Variants in GFUS observed in about 807,000 individuals in gnomAD.
GFUS encodes the protein 3-5 epimerase/4-reductase.
A neutral mutation model predicts 41.5 loss-of-function variants in GFUS; 42 were observed. That is an observed-to-expected ratio of 1.01 (90% CI 0.79 to 1.31). The LOEUF (loss-of-function observed/expected upper bound fraction) is 1.31, where lower values mean the gene tolerates loss of function less well. Among genes scored for constraint, GFUS ranks in the 50% most tolerant of loss-of-function variants. The pLI is 0.00. For synonymous variants in GFUS, 188 were observed against 173.4 expected (o/e 1.08, Z -0.66); for missense variants, 437 against 428.7 (o/e 1.02, Z -0.17).
At position 143,614,305 on chromosome 8, in the gene GFUS, G is replaced by A. The variant is rs1277146236; in HGVS notation, c.598+15C>T. On this transcript the variant is annotated intron_variant, in intron 6 of 10. Transcript: ENST00000425753. ...CGAGCTGAGCCCGGGCACCCCATCG[G>A]ACGGACGCACTCACTCTTGGCCAGG... The A allele has an allele frequency of 3.1e-6, 5 of 1,613,620 alleles. No homozygotes were observed. The highest frequency in any genetic ancestry group is 4.2e-6 in the Non-Finnish European group (5 of 1,179,886).
rs547988060 is a variant in GFUS, at chr8:143,613,462, G to A, written c.810+62C>T. ...CCCACCCACGCTGGCCCTACACCGG[G>A]TGGCCACTGAGCCCGCCCAAGGGGC... is the stretch of plus-strand genomic sequence containing the variant. On this transcript the variant is annotated intron_variant, in intron 9 of 10. Coordinates refer to ENST00000425753, the MANE Select transcript of GFUS (RefSeq NM_003313.4). The A allele has an allele frequency of 7.6e-5, 120 of 1,571,684 alleles. No individual in the cohort carries two copies. In the East Asian group the frequency reaches 2.7e-3, roughly 35 times the overall value.
At position 143,613,350 on chromosome 8, in the gene GFUS, A is replaced by G. The variant is rs1261806278; in HGVS notation, c.811-55T>C. The G allele has an allele frequency of 3.2e-6, 5 of 1,571,154 alleles. No individual in the cohort carries two copies. In the African/African-American group the frequency reaches 6.7e-5, roughly 21 times the overall value. ...AGAGCACCTCCACCCCAGCCCCCGC[A>G]GCTTGCCCTTGAACCTCTGCCATTC... On this transcript the variant is annotated intron_variant, in intron 9 of 10. Transcript: ENST00000425753.
chr8:143,613,506 A>G lies in GFUS; in HGVS notation c.810+18T>C. 6.2e-7 allele frequency: 1 copy of G among 1,609,464 alleles called. No individual in the cohort carries two copies. The highest frequency in any genetic ancestry group is 8.5e-7 in the Non-Finnish European group (1 of 1,179,212). On this transcript the variant is annotated intron_variant, in intron 9 of 10. Coordinates refer to ENST00000425753, the MANE Select transcript of GFUS (RefSeq NM_003313.4). ...AAGGGGCCCCCGCCCAACCCCCAGC[A>G]CTGGAGCCAGAGGATACGGTGACTT...
intron 3 of GFUS, among the ~76,000 whole-genome samples, chr8:143,615,345 C>T (rs1219057403): frequency 6.6e-6 from 1 of 152,194 alleles, no homozygotes; most frequent in African/African-American, 2.4e-5. Flanking sequence ...ATGGAGCCTG[C>T]GCTTGCCGGG....
At chr8:143,616,921 G>C (rs931955518) in intron 1 of GFUS, 198 bp from the exon 2 acceptor site, 2 of 642,568 alleles carry the variant, frequency 3.1e-6, no homozygotes, top group African/African-American at 3.7e-5. Context: ...CAGCGCCGCA[G>C]GGGTCCTGAG....
intron 3 of GFUS, 36 bp from the exon 4 acceptor site, chr8:143,614,951 A>G: frequency 1.9e-6 from 3 of 1,567,832 alleles, no homozygotes; most frequent in Non-Finnish European, 2.6e-6. Flanking sequence ...CAGGCTCCCC[A>G]GGCCAGATCC....
In GFUS at chr8:143,614,890, T is replaced by C; in HGVS notation, c.287A>G (p.Asn96Ser). The C allele has an allele frequency of 6.2e-7, 1 of 1,611,396 alleles. No individual in the cohort carries two copies. The highest frequency in any genetic ancestry group is 8.5e-7 in the Non-Finnish European group (1 of 1,178,298). ...CACCTCAAAGGCCGAGTGCAGGACG[T>C]TGTCGTTCATGTGCACGTTTTTCCT... is the stretch of plus-strand genomic sequence containing the variant. Reference protein sequence around the residue: ...FWRKNVHMNDNVLHSAFEVGA... With the variant: ...FWRKNVHMNDSVLHSAFEVGA... Residue 96 changes from asparagine (N) to serine (S), a missense_variant, in exon 4 of 11, where the codon AAC (asparagine) becomes AGC (serine). Coordinates refer to ENST00000425753, the MANE Select transcript of GFUS (RefSeq NM_003313.4).
chr8:143,616,544 G>A (rs756879108), intron 2 of GFUS, 23 bp downstream of exon 2: 2 of 1,613,758 alleles, frequency 1.2e-6, no homozygotes, highest in South Asian at 1.1e-5. Flanking sequence ...AGGAAGGGCT[G>A]ATCTGGGGAT....
At chr8:143,616,981 G>A in intron 1 of GFUS, 1 of 547,460 alleles carries the variant, frequency 1.8e-6, no homozygotes, top group East Asian at 3.0e-5. Context: ...TCCCCACTAG[G>A]CCGAGAAAAG....
intron 5 of GFUS, 85 bp from the exon 6 acceptor site, chr8:143,614,538 C>G (rs1829671172): frequency 6.4e-6 from 10 of 1,559,132 alleles, no homozygotes; most frequent in Non-Finnish European, 8.7e-6. Context: ...GAGGCTGGCA[C>G]GAAGACCCGA....
chr8:143,616,003 C>T, intron 3 of GFUS, 103 bp downstream of exon 3: 2 of 997,878 alleles, frequency 2.0e-6, no homozygotes, highest in Non-Finnish European at 3.0e-6. Context: ...TCAGGGACTT[C>T]CTGGGGTGGG....
intron 10 of GFUS, 44 bp from the exon 11 acceptor site, chr8:143,613,009 G>T: frequency 6.3e-7 from 1 of 1,597,350 alleles, no homozygotes; most frequent in Non-Finnish European, 8.5e-7. Context: ...GGAGGGTCGG[G>T]GCCGCATGGG....
At position 143,614,920 on chromosome 8, in the gene GFUS, A is replaced by G; in HGVS notation, c.262-5T>C. ...GTTCATGTGCACGTTTTTCCTCTGCAGGGGTGAGGCGGGGACAGTTCAGGC... is the reference window on the plus strand; with the variant it reads ...GTTCATGTGCACGTTTTTCCTCTGCGGGGGTGAGGCGGGGACAGTTCAGGC... On this transcript the variant is annotated splice_polypyrimidine_tract_variant and splice_region_variant and intron_variant, in intron 3 of 10. Coordinates refer to ENST00000425753, the MANE Select transcript of GFUS (RefSeq NM_003313.4). 6.2e-7 allele frequency: 1 copy of G among 1,601,078 alleles called. No individual in the cohort carries two copies.
At position 143,614,623 on chromosome 8, in the gene GFUS, CCTGTTCTGCA is replaced by C. The variant is rs1225168215; in HGVS notation, c.455_464del (p.Val152GlyfsTer51). ...GGCCTCAGCAGGATGGGCGCGAGGA[CCTGTTCTGCA>C]CGTCGATCATCCTCTTGGCATACGA... On this transcript the variant is annotated frameshift_variant and splice_region_variant, in exon 5 of 11. Coordinates refer to ENST00000425753, the MANE Select transcript of GFUS (RefSeq NM_003313.4). LOFTEE classifies it high-confidence loss of function. The C allele has an allele frequency of 1.3e-6, 2 of 1,589,118 alleles. No individual in the cohort carries two copies. The highest frequency in any genetic ancestry group is 3.4e-5 in the Admixed American group (2 of 59,150).
intron 3 of GFUS, among the ~76,000 whole-genome samples, chr8:143,615,655 C>T: frequency 6.6e-6 from 1 of 152,340 alleles, no homozygotes; most frequent in East Asian, 1.9e-4. Flanking sequence ...ACCACGCCCC[C>T]TTCCCCCAGA....
chr8:143,617,635 TG>T (rs1829763354), upstream of GFUS: 1 of 152,014 alleles, frequency 6.6e-6, no homozygotes, highest in African/African-American at 2.4e-5. Context: ...AGCTGGGACT[TG>T]GAGTCCGCGG....
chr8:143,614,989 G>T (rs535416597), intron 3 of GFUS, 74 bp from the exon 4 acceptor site: 12 of 1,537,124 alleles, frequency 7.8e-6, no homozygotes, highest in Non-Finnish European at 9.7e-6. Flanking sequence ...TCCAGACGCA[G>T]AAGTGGAGAC....
chr8:143,613,152 G>C lies in GFUS; in HGVS notation c.910+44C>G, dbSNP rs1173462059. 1.9e-6 allele frequency: 3 copies of C among 1,585,082 alleles called. No homozygotes were observed. The Admixed American group carries it at 5.0e-5, about 26-fold the overall frequency. On this transcript the variant is annotated intron_variant, in intron 10 of 10. Coordinates refer to ENST00000425753, the MANE Select transcript of GFUS (RefSeq NM_003313.4). The stretch of plus-strand genomic sequence containing the variant: ...GGTAGCGAGCATGAGGGAGGGGCTG[G>C]GGCAGGCCTCCACCAAGTGGAGGGC...
In GFUS at chr8:143,616,624, C is replaced by G. The variant is rs1441843031; in HGVS notation, c.89G>C (p.Gly30Ala). The G allele has an allele frequency of 3.7e-6, 6 of 1,613,782 alleles. No homozygotes were observed. The highest frequency in any genetic ancestry group is 5.1e-6 in the Non-Finnish European group (6 of 1,180,010). The change falls in exon 2 of 11, where the codon GGA becomes GCA. Residue 30 changes from glycine to alanine, a missense_variant. Gly to Ala is a moderately conservative substitution (Grantham distance 60, BLOSUM62 0). Coordinates refer to ENST00000425753, the MANE Select transcript of GFUS (RefSeq NM_003313.4). ...CCAGTCCTCTCCAGGAAGTCCAGCT[C>G]CATCTGCTACCACCTTCTGGATGGC... is the stretch of plus-strand genomic sequence containing the variant. Reference protein sequence around the residue: ...GKAIQKVVADGAGLPGEDWVF... With the variant: ...GKAIQKVVADAAGLPGEDWVF...
Sources: gnomAD v4.1 joint callset for allele counts (sites outside exome capture counted in the v4.1 genomes callset) on GRCh38, gnomAD v4.1.1 for gene constraint, MANE v1.5 for transcripts, NCBI Gene and HGNC (gene_info 2026-07-23, HGNC 2026-07-21) for gene names.